The following C12orf42 variants were observed in gnomAD, a reference collection of about 807,000 sequenced individuals.
C12orf42 encodes the protein chromosome 12 open reading frame 42.
A neutral mutation model predicts 21.6 loss-of-function variants in C12orf42; 25 were observed. The observed-to-expected ratio is 1.16, with a 90% CI of 0.84 to 1.62. The LOEUF is 1.62. Ranked by LOEUF, C12orf42 falls within the 40% of genes most tolerant of loss-of-function variation. The probability of loss-of-function intolerance (pLI) is 0.00; values close to 1 mark genes in which losing one functional copy is unlikely to be tolerated. For synonymous variants in C12orf42, 174 were observed against 175.0 expected (o/e 0.99, Z 0.05); for missense variants, 483 against 459.3 (o/e 1.05, Z -0.47).
downstream of C12orf42, among the ~76,000 whole-genome samples, chr12:103,265,552 A>C (rs908638460): frequency 6.6e-6 from 1 of 152,206 alleles, no homozygotes; most frequent in African/African-American, 2.4e-5. Flanking sequence ...TCAGCTTTTC[A>C]TTCGATGCTC....
chr12:103,384,560 G>A (rs2046448514), intron 3 of C12orf42, among the ~76,000 whole-genome samples: 1 of 152,148 alleles, frequency 6.6e-6, no homozygotes, highest in Non-Finnish European at 1.5e-5. Flanking sequence ...TAAGTAAATG[G>A]TGGTTTCTCC....
chr12:103,534,413 T>TAAA, the C12orf42 span, among the ~76,000 whole-genome samples: 2 of 152,180 alleles, frequency 1.3e-5, no homozygotes, highest in African/African-American at 4.8e-5. Flanking sequence ...CCATGACCCA[T>TAAA]AAAAGGAATC....
At chr12:103,282,588 T>G (rs1273232630) in intron 4 of C12orf42, among the ~76,000 whole-genome samples, 1 of 152,218 alleles carries the variant, frequency 6.6e-6, no homozygotes, top group East Asian at 1.9e-4. Flanking sequence ...TACGCTCTGA[T>G]GTTCACACGA....
At chr12:103,460,642 G>T (rs1441762980) in intron 2 of C12orf42, among the ~76,000 whole-genome samples, 1 of 152,100 alleles carries the variant, frequency 6.6e-6, no homozygotes, top group South Asian at 2.1e-4. Context: ...GCTGCTTGAG[G>T]GCTCAGCTTT....
At chr12:103,394,225 C>T (rs2047319742) in intron 3 of C12orf42, among the ~76,000 whole-genome samples, 1 of 152,206 alleles carries the variant, frequency 6.6e-6, no homozygotes, top group Non-Finnish European at 1.5e-5. Flanking sequence ...AGAATGAGTT[C>T]TGCGCCATGT....
chr12:103,250,837 G>T (rs993008752), intron 10 of C12orf42, among the ~76,000 whole-genome samples: 23 of 151,978 alleles, frequency 1.5e-4, no homozygotes, highest in African/African-American at 5.3e-4. Flanking sequence ...GTGTAAGTGT[G>T]TTCTTTCAGG....
At chr12:103,339,508 A>G (rs2041991543) in intron 4 of C12orf42, among the ~76,000 whole-genome samples, 1 of 152,202 alleles carries the variant, frequency 6.6e-6, no homozygotes. Flanking sequence ...CTATCCATCC[A>G]TGTCCATAAA....
At chr12:103,392,239 T>C (rs2047145440) in intron 3 of C12orf42, among the ~76,000 whole-genome samples, 1 of 152,206 alleles carries the variant, frequency 6.6e-6, no homozygotes, top group Non-Finnish European at 1.5e-5. Flanking sequence ...TTGTAGTAAG[T>C]TCTAAAATCA....
At chr12:103,394,003 T>C (rs1273803185) in intron 3 of C12orf42, among the ~76,000 whole-genome samples, 1 of 152,224 alleles carries the variant, frequency 6.6e-6, no homozygotes, top group Non-Finnish European at 1.5e-5. Context: ...CGAGCTATCA[T>C]CTGGGCCAAT....
rs566399529 is a variant in C12orf42 at position 103,437,322 on chromosome 12, C to A, written c.79-35647G>T. Among the ~76,000 whole-genome samples, 200 of 152,122 alleles carry A rather than the reference C, an allele frequency of 1.3e-3. 2 individuals are homozygous for A. Among genetic ancestry groups the A allele is most frequent in the Non-Finnish European group, 3.7e-4 (25 of 68,004 alleles). On this transcript the variant is annotated intron_variant, in intron 2 of 5. Transcript: ENST00000548883. ...AAGCAGGAAAGATCCAAAATTGACA[C>A]CCTAACATCACAATTAAAAGAACTA...
At chr12:103,383,122 CTTTT>C (rs10552452) in intron 3 of C12orf42, among the ~76,000 whole-genome samples, 1 of 148,282 alleles carries the variant, frequency 6.7e-6, no homozygotes, top group African/African-American at 2.5e-5. Context: ...CTGACTCATT[CTTTT>C]TTTTTTTTTC....
chr12:103,141,486 GA>G, the C12orf42 span, among the ~76,000 whole-genome samples: 1 of 151,012 alleles, frequency 6.6e-6, no homozygotes, highest in Admixed American at 6.6e-5. Flanking sequence ...ACCAAAAAGT[GA>G]AATGGATTGA....
At chr12:103,062,631 A>G in the C12orf42 span, among the ~76,000 whole-genome samples, 3 of 152,164 alleles carry the variant, frequency 2.0e-5, no homozygotes, top group African/African-American at 7.2e-5. Flanking sequence ...CACCAACCTA[A>G]TATAACGTGT....
At chr12:103,274,455 C>G (rs904522922) in intron 5 of C12orf42, among the ~76,000 whole-genome samples, 4 of 151,964 alleles carry the variant, frequency 2.6e-5, no homozygotes, top group Admixed American at 2.6e-4. Context: ...TTTTTCTTTC[C>G]CTTAGAAGTC....
the C12orf42 span, among the ~76,000 whole-genome samples, chr12:103,515,919 A>G: frequency 1.3e-5 from 2 of 152,302 alleles, no homozygotes; most frequent in East Asian, 1.9e-4. Flanking sequence ...ACTAAATAAT[A>G]TATTTGTACT....
intron 3 of C12orf42, among the ~76,000 whole-genome samples, chr12:103,373,750 T>G (rs2045463106): frequency 6.6e-6 from 1 of 152,242 alleles, no homozygotes; most frequent in African/African-American, 2.4e-5. Flanking sequence ...AAATTGGTTT[T>G]GCTGAAATCC....
chr12:103,556,696 T>A, the C12orf42 span, among the ~76,000 whole-genome samples: 2 of 152,206 alleles, frequency 1.3e-5, no homozygotes, highest in South Asian at 2.1e-4. Flanking sequence ...TTGAATGGCA[T>A]CCCCCAAAAA....
the C12orf42 span, among the ~76,000 whole-genome samples, chr12:103,174,598 G>A: frequency 1.4e-5 from 2 of 146,700 alleles, no homozygotes; most frequent in South Asian, 2.2e-4. Flanking sequence ...ACTTCTAATC[G>A]CCAACCAACG....
the C12orf42 span, among the ~76,000 whole-genome samples, chr12:103,195,308 C>T: frequency 1.7e-4 from 26 of 151,982 alleles, no homozygotes; most frequent in Non-Finnish European, 2.9e-4. Context: ...GGGTATATAC[C>T]CAGTAATGGA....
Sources: gnomAD v4.1 joint callset for allele counts (sites outside exome capture counted in the v4.1 genomes callset) on GRCh38, gnomAD v4.1.1 for gene constraint, MANE v1.5 for transcripts, NCBI Gene and HGNC (gene_info 2026-07-23, HGNC 2026-07-21) for gene names.